Variants in VTI1A observed in about 807,000 individuals in gnomAD.
The protein encoded by VTI1A is vesicle transport through interaction with t-SNAREs 1A.
VTI1A carries 22 observed loss-of-function variants against 34.9 expected under a neutral mutation model. That is an observed-to-expected ratio of 0.63 (90% CI 0.45 to 0.90). The LOEUF (loss-of-function observed/expected upper bound fraction) is 0.90. VTI1A is among the 40% of genes least tolerant of loss of function. The pLI, the probability that VTI1A is intolerant of heterozygous loss-of-function variation, is 0.00. For synonymous variants in VTI1A, 87 were observed against 97.3 expected, an observed-to-expected ratio of 0.89 and a Z score of 0.62; for missense variants, 268 against 275.6, an observed-to-expected ratio of 0.97 and a Z score of 0.20.
chr10:112,524,994 T>C (rs1018161788), intron 3 of VTI1A, among the ~76,000 whole-genome samples: 2 of 152,232 alleles, frequency 1.3e-5, no homozygotes, highest in East Asian at 3.8e-4. Flanking sequence ...TGAAGTGGAC[T>C]GCCCTGATAA....
chr10:112,724,240 A>G (rs1849923063), intron 7 of VTI1A, among the ~76,000 whole-genome samples: 1 of 152,188 alleles, frequency 6.6e-6, no homozygotes, highest in Non-Finnish European at 1.5e-5. Context: ...AATTTATTAC[A>G]TGCATTAATA....
At chr10:112,679,733 T>C (rs1258853316) in intron 7 of VTI1A, among the ~76,000 whole-genome samples, 1 of 151,986 alleles carries the variant, frequency 6.6e-6, no homozygotes, top group African/African-American at 2.4e-5. Flanking sequence ...CCCACCTATC[T>C]TCCAATGGCT....
intron 5 of VTI1A, among the ~76,000 whole-genome samples, chr10:112,650,594 A>G (rs1027395782): frequency 3.9e-5 from 6 of 152,226 alleles, no homozygotes; most frequent in Admixed American, 6.5e-5. Flanking sequence ...TGTATATGCT[A>G]TACTTTTGTA....
intron 7 of VTI1A, among the ~76,000 whole-genome samples, chr10:112,771,950 T>G (rs1318125876): frequency 6.6e-6 from 1 of 152,240 alleles, no homozygotes; most frequent in Non-Finnish European, 1.5e-5. Context: ...TGTTTACCTA[T>G]TCTTCAGCCA....
chr10:112,843,703 G>A, the VTI1A span, among the ~76,000 whole-genome samples: 3 of 152,156 alleles, frequency 2.0e-5, no homozygotes, highest in Admixed American at 1.3e-4. Context: ...AGCCGTGGGG[G>A]TCTCCAGCCT....
chr10:112,788,426 T>C (rs897219613), intron 7 of VTI1A, among the ~76,000 whole-genome samples: 1 of 152,240 alleles, frequency 6.6e-6, no homozygotes, highest in Admixed American at 6.5e-5. Context: ...CTATTTGTCT[T>C]AAAAGCCATG....
intron 7 of VTI1A, among the ~76,000 whole-genome samples, chr10:112,782,200 C>G (rs1316965775): frequency 6.6e-6 from 1 of 152,258 alleles, no homozygotes; most frequent in Non-Finnish European, 1.5e-5. Context: ...TCATTTCCCA[C>G]AGACCTCATC....
At chr10:112,774,305 G>T (rs1851896543) in intron 7 of VTI1A, among the ~76,000 whole-genome samples, 1 of 152,172 alleles carries the variant, frequency 6.6e-6, no homozygotes, top group African/African-American at 2.4e-5. Flanking sequence ...TCTTCTCATA[G>T]TTCCTCTCAT....
At chr10:112,643,658 C>T (rs749736359) in intron 5 of VTI1A, among the ~76,000 whole-genome samples, 4 of 152,072 alleles carry the variant, frequency 2.6e-5, no homozygotes, top group African/African-American at 4.8e-5. Flanking sequence ...GGAGAATCAT[C>T]GAGAGAATCT....
intron 5 of VTI1A, among the ~76,000 whole-genome samples, chr10:112,582,406 T>C (rs1843984542): frequency 6.6e-6 from 1 of 152,148 alleles, no homozygotes; most frequent in African/African-American, 2.4e-5. Context: ...ATATATGTTC[T>C]CCTCACATGC....
At chr10:112,518,569 C>A (rs1849874151) in intron 3 of VTI1A, among the ~76,000 whole-genome samples, 1 of 122,260 alleles carries the variant, frequency 8.2e-6, no homozygotes, top group African/African-American at 2.9e-5. Context: ...CTCTCTCTCT[C>A]TCTCTCTCTC....
At chr10:112,709,021 CTA>C (rs1849303044) in intron 7 of VTI1A, among the ~76,000 whole-genome samples, 1 of 152,214 alleles carries the variant, frequency 6.6e-6, no homozygotes, top group Admixed American at 6.5e-5. Context: ...CCTCCAGCGT[CTA>C]TTGTCAATTT....
chr10:112,782,505 G>A (rs551875133), intron 7 of VTI1A, among the ~76,000 whole-genome samples: 8 of 152,348 alleles, frequency 5.3e-5, no homozygotes, highest in East Asian at 1.9e-4. Context: ...CTTTCCCGTC[G>A]CGGCATATTA....
intron 5 of VTI1A, among the ~76,000 whole-genome samples, chr10:112,575,544 A>G (rs748115724): frequency 3.9e-5 from 6 of 152,232 alleles, no homozygotes; most frequent in South Asian, 4.1e-4. Context: ...GTTAACGTTC[A>G]TCTTCATCCC....
At chr10:112,618,565 A>ATATC (rs1233135951) in intron 5 of VTI1A, among the ~76,000 whole-genome samples, 1 of 136,820 alleles carries the variant, frequency 7.3e-6, no homozygotes, top group African/African-American at 2.7e-5. Flanking sequence ...TCAAAAGGTA[A>ATATC]TATCAACGGG....
chr10:112,781,099 C>T (rs183672093), intron 7 of VTI1A, among the ~76,000 whole-genome samples: 10 of 152,268 alleles, frequency 6.6e-5, no homozygotes, highest in African/African-American at 1.9e-4. Context: ...TGCACACCGC[C>T]ATGGCCGGGT....
At chr10:112,527,834 A>T (rs1439868058) in intron 4 of VTI1A, among the ~76,000 whole-genome samples, 1 of 152,076 alleles carries the variant, frequency 6.6e-6, no homozygotes, top group Non-Finnish European at 1.5e-5. Context: ...GTCGGTTCTC[A>T]TTGGATCATA....
intron 5 of VTI1A, among the ~76,000 whole-genome samples, chr10:112,652,654 G>A (rs546227662): frequency 6.7e-6 from 1 of 149,408 alleles, no homozygotes; most frequent in Non-Finnish European, 1.5e-5. Context: ...TTGGGCCCAA[G>A]AGGTCAAGGC....
At position 112,669,682 on chromosome 10, in the gene VTI1A, G is replaced by C. The variant is rs1044162308; in HGVS notation, c.560+684G>C. Among the ~76,000 whole-genome samples the C allele has an allele frequency of 3.9e-5, 6 of 152,110 alleles. No homozygotes were observed. In the South Asian group the frequency reaches 6.2e-4, roughly 16 times the overall value. On this transcript the variant is annotated intron_variant, in intron 7 of 7. Coordinates refer to ENST00000393077, the MANE Select transcript of VTI1A (RefSeq NM_145206.4). The stretch of plus-strand genomic sequence containing the variant: ...AAAATATCATCTAGCACGACTGTCA[G>C]TTTGGAACTGTGGATAGAAAAGTGA...
Sources: allele counts gnomAD v4.1 joint callset (sites outside exome capture counted in the v4.1 genomes callset), GRCh38; gene constraint gnomAD v4.1.1; transcripts MANE v1.5; gene names NCBI Gene and HGNC (gene_info 2026-07-23, HGNC 2026-07-21).